The following SDCCAG8 variants were observed in gnomAD, a reference collection of about 807,000 sequenced individuals.
SDCCAG8 encodes SHH signaling and ciliogenesis regulator SDCCAG8.
Under a neutral mutation model 101.8 loss-of-function variants are expected in SDCCAG8, and 74 were observed. That is an observed-to-expected ratio of 0.73 (90% CI 0.60 to 0.88). The LOEUF (loss-of-function observed/expected upper bound fraction) is 0.88, where lower values mean the gene tolerates loss of function less well. Ranked by LOEUF, SDCCAG8 falls within the 40% of genes least tolerant of loss-of-function variation. The pLI is 0.00. For synonymous variants in SDCCAG8, 281 were observed against 292.9 expected (o/e 0.96, Z 0.41); for missense variants, 787 against 822.6 (o/e 0.96, Z 0.53).
chr1:243,350,273 A>G (rs901704008), intron 12 of SDCCAG8, among the ~76,000 whole-genome samples: 3 of 151,834 alleles, frequency 2.0e-5, no homozygotes, highest in African/African-American at 4.8e-5. Context: ...CAGTGGTGCA[A>G]TCTCGGTTCA....
chr1:243,301,204 A>C (rs148870650), intron 6 of SDCCAG8, among the ~76,000 whole-genome samples: 1 of 152,354 alleles, frequency 6.6e-6, no homozygotes, highest in Admixed American at 6.5e-5. Context: ...CTGTACTACT[A>C]TAAGAATTTC....
chr1:243,351,901 T>G (rs1454553481), intron 12 of SDCCAG8, among the ~76,000 whole-genome samples: 1 of 152,236 alleles, frequency 6.6e-6, no homozygotes, highest in East Asian at 1.9e-4. Flanking sequence ...TTTTTCTGCA[T>G]AAAGAAGCAG....
intron 8 of SDCCAG8, among the ~76,000 whole-genome samples, chr1:243,316,414 C>T (rs2073237309): frequency 6.6e-6 from 1 of 152,150 alleles, no homozygotes; most frequent in Non-Finnish European, 1.5e-5. Context: ...CAATTCGTAC[C>T]TTCCCTACTT....
chr1:243,420,188 G>C (rs923705683), intron 15 of SDCCAG8, among the ~76,000 whole-genome samples: 8 of 152,176 alleles, frequency 5.3e-5, no homozygotes, highest in Non-Finnish European at 1.2e-4. Context: ...CCCACTTGGA[G>C]CTTTGTAACC....
At position 243,270,141 on chromosome 1, in the gene SDCCAG8, C is replaced by A. The variant is rs2067970442; in HGVS notation, c.104C>A (p.Ala35Asp). 9.9e-6 allele frequency: 16 copies of A among 1,614,174 alleles called. No homozygotes were observed. Among genetic ancestry groups the A allele is most frequent in the Non-Finnish European group, 1.4e-5 (16 of 1,180,032 alleles). ...AGAAGCATTCACCAACTGACATGTG[C>A]CCTGAAAGAAGGCGATGTCACTATT... is the stretch of plus-strand genomic sequence containing the variant. ...ASRSIHQLTCALKEGDVTIGE... is the reference protein window; with the variant it reads ...ASRSIHQLTCDLKEGDVTIGE... The change falls in exon 2 of 18, where the codon GCC (alanine) becomes GAC (aspartate). Residue 35 changes from alanine (A) to aspartate (D), a missense_variant. Coordinates refer to ENST00000366541, the MANE Select transcript of SDCCAG8 (RefSeq NM_006642.5).
chr1:243,489,168 G>A (rs777369966), intron 17 of SDCCAG8, 28 bp downstream of exon 17: 1 of 1,609,090 alleles, frequency 6.2e-7, no homozygotes, highest in Admixed American at 1.7e-5. Flanking sequence ...GCGCAGGTGG[G>A]AGTCCTTGGG....
At chr1:243,401,173 A>G (rs1478065602) in intron 13 of SDCCAG8, among the ~76,000 whole-genome samples, 1 of 152,336 alleles carries the variant, frequency 6.6e-6, no homozygotes, top group East Asian at 1.9e-4. Flanking sequence ...GTGTGCTCCT[A>G]GCTTTCCCAC....
chr1:243,297,609 T>C (rs2071058311), intron 6 of SDCCAG8, among the ~76,000 whole-genome samples: 1 of 152,102 alleles, frequency 6.6e-6, no homozygotes, highest in Non-Finnish European at 1.5e-5. Context: ...TCCTTACTAA[T>C]CATATAGTAT....
intron 16 of SDCCAG8, among the ~76,000 whole-genome samples, chr1:243,446,974 G>A (rs548316423): frequency 3.9e-5 from 6 of 152,212 alleles, no homozygotes; most frequent in South Asian, 4.2e-4. Flanking sequence ...ATGCTTGGCC[G>A]GGCACGGTGT....
chr1:243,467,156 C>T (rs560966746), intron 16 of SDCCAG8, among the ~76,000 whole-genome samples: 2 of 152,344 alleles, frequency 1.3e-5, no homozygotes, highest in Non-Finnish European at 2.9e-5. Flanking sequence ...TGCTATTGAC[C>T]GTTGACTGAT....
intron 9 of SDCCAG8, among the ~76,000 whole-genome samples, chr1:243,318,719 C>G (rs997219138): frequency 2.0e-5 from 3 of 152,128 alleles, no homozygotes; most frequent in Non-Finnish European, 4.4e-5. Flanking sequence ...CTAGCTGTCC[C>G]TCAATGCCAT....
intron 16 of SDCCAG8, among the ~76,000 whole-genome samples, chr1:243,480,251 T>C (rs566967682): frequency 1.5e-4 from 22 of 147,680 alleles, no homozygotes; most frequent in Admixed American, 8.9e-4. Flanking sequence ...TGTGAAGTGC[T>C]GGCAGCTGGA....
chr1:243,260,486 A>G (rs1322485114), intron 1 of SDCCAG8, among the ~76,000 whole-genome samples: 1 of 152,226 alleles, frequency 6.6e-6, no homozygotes, highest in African/African-American at 2.4e-5. Flanking sequence ...TAGCCAAGAA[A>G]GGGTGAAAAA....
At chr1:243,415,989 A>T (rs2080556855) in intron 14 of SDCCAG8, among the ~76,000 whole-genome samples, 160 bp downstream of exon 14, 1 of 152,240 alleles carries the variant, frequency 6.6e-6, no homozygotes, top group African/African-American at 2.4e-5. Flanking sequence ...GTTAGCGTTT[A>T]AAAGAGAAAA....
rs182553696 is a variant in SDCCAG8, at chr1:243,467,503, G to A, written c.1986-21511G>A. On this transcript the variant is annotated intron_variant, in intron 16 of 17. Coordinates refer to ENST00000366541, the MANE Select transcript of SDCCAG8 (RefSeq NM_006642.5). ...CAAGAGAAGCCCAGTGGCTTTATTC[G>A]GAGAGAGTTGTCTGGTTAAGCACAT... Among the ~76,000 whole-genome samples the A allele has an allele frequency of 4.7e-3, 711 of 152,308 alleles. 4 individuals carry two copies. The highest frequency in any genetic ancestry group is 5.5e-3 in the Non-Finnish European group (371 of 68,030).
At chr1:243,488,366 C>CA (rs1665509164) in intron 16 of SDCCAG8, 1 of 153,864 alleles carries the variant, frequency 6.5e-6, no homozygotes, top group Admixed American at 6.4e-5. Context: ...CTTTCCAGAA[C>CA]ACTTCTGGGT....
rs199629519 is a variant in SDCCAG8, at chr1:243,304,766, G to A, written c.729G>A (p.Leu243=). 45 of 1,587,966 alleles carry A rather than the reference G, an allele frequency of 2.8e-5. No homozygotes were observed. In the Admixed American group the frequency reaches 7.5e-4, roughly 26 times the overall value. Residue 243 remains leucine (L), a synonymous_variant, in exon 7 of 18, where the codon TTG becomes TTA. Coordinates refer to ENST00000366541, the MANE Select transcript of SDCCAG8 (RefSeq NM_006642.5). The part of the protein sequence containing the change: ...EEKCEIEESQ[L]KFLRNDLAEY... ...AGTGTGAAATTGAGGAATCCCAATTGAAGTTTTTGAGGTAAAGTGAAATCG... is the reference window on the plus strand; with the variant it reads ...AGTGTGAAATTGAGGAATCCCAATTAAAGTTTTTGAGGTAAAGTGAAATCG...
intron 9 of SDCCAG8, among the ~76,000 whole-genome samples, chr1:243,325,977 A>G (rs987077915): frequency 6.6e-6 from 1 of 152,224 alleles, no homozygotes; most frequent in African/African-American, 2.4e-5. Context: ...AAGCAGATGA[A>G]AAGGTTAACC....
intron 12 of SDCCAG8, among the ~76,000 whole-genome samples, chr1:243,345,049 GGTT>G: frequency 6.6e-6 from 1 of 152,198 alleles, no homozygotes; most frequent in Non-Finnish European, 1.5e-5. Flanking sequence ...AATGAAAGCA[GGTT>G]GTTTATTCAA....
Sources: allele counts gnomAD v4.1 joint callset (sites outside exome capture counted in the v4.1 genomes callset), GRCh38; gene constraint gnomAD v4.1.1; transcripts MANE v1.5; gene names NCBI Gene and HGNC (gene_info 2026-07-23, HGNC 2026-07-21).